Variants in CLCN1 observed in about 807,000 individuals in gnomAD.
CLCN1 encodes chloride channel protein 1.
CLCN1 carries 100 observed loss-of-function variants against 114.5 expected under a neutral mutation model. The observed-to-expected ratio is 0.87, with a 90% CI of 0.74 to 1.03. The LOEUF (loss-of-function observed/expected upper bound fraction) is 1.03, where lower values mean the gene tolerates loss of function less well. Ranked by LOEUF, CLCN1 falls within the 50% of genes least tolerant of loss-of-function variation. The probability of loss-of-function intolerance (pLI) is 0.00; values close to 1 mark genes in which losing one functional copy is unlikely to be tolerated. For synonymous variants in CLCN1, 485 were observed against 487.1 expected, an observed-to-expected ratio of 1.00 and a Z score of 0.06; for missense variants, 1,188 against 1,250.0, an observed-to-expected ratio of 0.95 and a Z score of 0.75.
chr7:143,340,652 C>G (rs1217429839), intron 14 of CLCN1, among the ~76,000 whole-genome samples: 1 of 152,180 alleles, frequency 6.6e-6, no homozygotes, highest in Non-Finnish European at 1.5e-5. Flanking sequence ...CCTGCCTCAG[C>G]CTCCCAAGTA....
intron 6 of CLCN1, 51 bp downstream of exon 6, chr7:143,323,437 G>A (rs757476186): frequency 1.2e-5 from 15 of 1,303,530 alleles, no homozygotes; most frequent in African/African-American, 5.8e-5. Context: ...GAAGGAGTCC[G>A]GCTGTGTGTC....
At chr7:143,351,195 C>G (rs1385636420) in intron 22 of CLCN1, among the ~76,000 whole-genome samples, 1 of 152,088 alleles carries the variant, frequency 6.6e-6, no homozygotes, top group Non-Finnish European at 1.5e-5. Flanking sequence ...TTCTCCACCC[C>G]AGATGGGGCC....
chr7:143,317,437 C>T (rs573002447), intron 1 of CLCN1, among the ~76,000 whole-genome samples: 2 of 152,014 alleles, frequency 1.3e-5, no homozygotes, highest in South Asian at 2.1e-4. Flanking sequence ...TCAGTAGAGA[C>T]GGGGTTTTGC....
intron 12 of CLCN1, among the ~76,000 whole-genome samples, chr7:143,333,133 T>C (rs538220871): frequency 1.3e-5 from 2 of 152,048 alleles, no homozygotes; most frequent in South Asian, 4.1e-4. Context: ...ACCCCATCTC[T>C]ACCAAAAATT....
chr7:143,342,189 G>A (rs1265941266), intron 15 of CLCN1, 47 bp downstream of exon 15: 2 of 1,582,140 alleles, frequency 1.3e-6, no homozygotes, highest in Admixed American at 1.7e-5. Flanking sequence ...GGGGAGAGTG[G>A]GAGGTTCTGA....
Position 143,351,583 on chromosome 7 carries a change from CT to C in CLCN1, c.2596-10del, listed in dbSNP as rs1318520368. ...CTTTTTACCCTCTTTTCCTTTCCCA[CT>C]GCTCTTCAGCTACAGAAGGCCATTG... On this transcript the variant is annotated splice_polypyrimidine_tract_variant and intron_variant, in intron 22 of 22. Coordinates refer to ENST00000343257, the MANE Select transcript of CLCN1 (RefSeq NM_000083.3). The C allele has an allele frequency of 6.2e-7, 1 of 1,613,882 alleles. No homozygotes were observed. Among genetic ancestry groups the C allele is most frequent in the Non-Finnish European group, 8.5e-7 (1 of 1,180,024 alleles).
At chr7:143,335,193 T>G (rs1435149714) in intron 12 of CLCN1, among the ~76,000 whole-genome samples, 1 of 152,186 alleles carries the variant, frequency 6.6e-6, no homozygotes, top group Non-Finnish European at 1.5e-5. Flanking sequence ...GATTCCCAAG[T>G]ATATGTCTGG....
Position 143,350,318 on chromosome 7 carries a change from C to A in CLCN1, c.2404-54C>A. ...GCCGTTTGGGGTCAAAATCAGGTAT[C>A]TGGGGTGAAAGGAGGCTCTGTGATT... On this transcript the variant is annotated intron_variant, in intron 20 of 22. Coordinates refer to ENST00000343257, the MANE Select transcript of CLCN1 (RefSeq NM_000083.3). The surrounding 1 kb of genome is among the most constrained non-coding windows in gnomAD (Gnocchi z 5.1). 7.0e-7 allele frequency: 1 copy of A among 1,437,772 alleles called. No homozygotes were observed. Among genetic ancestry groups the A allele is most frequent in the Non-Finnish European group, 9.7e-7 (1 of 1,027,730 alleles). 89.1% of individuals were successfully genotyped at this position (1,437,772 alleles called of 1,614,324 possible).
At chr7:143,326,124 C>A (rs1182843926) in intron 7 of CLCN1, among the ~76,000 whole-genome samples, 5 of 152,062 alleles carry the variant, frequency 3.3e-5, no homozygotes, top group Non-Finnish European at 5.9e-5. Context: ...TCAAGCAATT[C>A]TCATGCCTCA....
Position 143,342,457 on chromosome 7 carries a change from C to G in CLCN1, c.1882C>G (p.Leu628Val). ...ASYTYGELRT[L>V]LQTTTVKTLP... ...TTACACATATGGGGAGTTGCGAACC[C>G]TGCTCCAGACCACCACAGTCAAGAC... is the stretch of plus-strand genomic sequence containing the variant. The change falls in exon 16 of 23, where the codon CTG becomes GTG. Residue 628 changes from leucine to valine, a missense_variant. Transcript: ENST00000343257. 6.2e-7 allele frequency: 1 copy of G among 1,614,080 alleles called. No individual in the cohort carries two copies. The highest frequency in any genetic ancestry group is 8.5e-7 in the Non-Finnish European group (1 of 1,180,020).
At chr7:143,333,007 C>G (rs1802772155) in intron 12 of CLCN1, 134 bp downstream of exon 12, 2 of 1,071,314 alleles carry the variant, frequency 1.9e-6, no homozygotes, top group African/African-American at 3.1e-5. Flanking sequence ...CATTTGAAAA[C>G]CATAGAGTTG....
chr7:143,322,329 A>G (rs1802463172), intron 5 of CLCN1, among the ~76,000 whole-genome samples: 1 of 152,116 alleles, frequency 6.6e-6, no homozygotes, highest in Non-Finnish European at 1.5e-5. Flanking sequence ...ACTGAGAAAG[A>G]GGCTGTGCTA....
intron 1 of CLCN1, among the ~76,000 whole-genome samples, chr7:143,318,034 CAA>C (rs1802332724): frequency 1.3e-5 from 2 of 152,018 alleles, no homozygotes; most frequent in African/African-American, 4.8e-5. Flanking sequence ...CAAAAGTAAA[CAA>C]GAGTTTGGAT....
At position 143,321,836 on chromosome 7, in the gene CLCN1, C is replaced by T. The variant is rs774268769; in HGVS notation, c.684C>T (p.Pro228=). 5.6e-6 allele frequency: 9 copies of T among 1,614,146 alleles called. No homozygotes were observed. The highest frequency in any genetic ancestry group is 1.7e-4 in the Middle Eastern group (1 of 6,056). ...ALTAGLGSGI[P]VGKEGPFVHI... ...CTGCGGGCCTGGGCAGTGGCATCCC[C>T]GTGGGGAAAGAGGTAGGCCTGGCAT... The change falls in exon 5 of 23, where the codon CCC becomes CCT. Residue 228 remains proline, a synonymous_variant. Coordinates refer to ENST00000343257, the MANE Select transcript of CLCN1 (RefSeq NM_000083.3). This position sits in a 1 kb window ranked among gnomAD's most constrained non-coding sequence, Gnocchi z 4.2.
chr7:143,350,526 T>C lies in CLCN1; in HGVS notation c.2509-42T>C, dbSNP rs1340140007. ...GGCTGTGGGGAAGGCAGGAGAGCTG[T>C]GGGGCAAGGAACATGCACTGACCTG... On this transcript the variant is annotated intron_variant, in intron 21 of 22. Transcript: ENST00000343257. The surrounding 1 kb of genome is among the most constrained non-coding windows in gnomAD (Gnocchi z 5.1). 1 of 1,610,384 alleles carries C rather than the reference T, an allele frequency of 6.2e-7. No individual in the cohort carries two copies. The highest frequency in any genetic ancestry group is 8.5e-7 in the Non-Finnish European group (1 of 1,176,682).
chr7:143,328,302 A>T (rs1802628411), intron 7 of CLCN1, among the ~76,000 whole-genome samples: 1 of 152,150 alleles, frequency 6.6e-6, no homozygotes, highest in Non-Finnish European at 1.5e-5. Flanking sequence ...GCAGGAGACC[A>T]AGGACAAAGG....
rs1330347785 is a variant in CLCN1 at position 143,351,966 on chromosome 7, C to T, written c.*1C>T. 2.5e-6 allele frequency: 4 copies of T among 1,612,446 alleles called. No homozygotes were observed. The East Asian group carries it at 6.7e-5, about 27-fold the overall frequency. ...GGATGAGGATGAACTGATCCTTTGA[C>T]CCCCTCCCACGACCTCCTCATAAAG... On this transcript the variant is annotated 3_prime_UTR_variant, in exon 23 of 23. Transcript: ENST00000343257.
chr7:143,327,405 CG>C (rs1413585103), intron 7 of CLCN1, among the ~76,000 whole-genome samples: 1 of 151,926 alleles, frequency 6.6e-6, no homozygotes, highest in Non-Finnish European at 1.5e-5. Context: ...GAAATACTGT[CG>C]GGGTGAATTA....
intron 1 of CLCN1, among the ~76,000 whole-genome samples, chr7:143,319,225 A>G (rs577140027): frequency 3.3e-5 from 5 of 152,242 alleles, no homozygotes; most frequent in Non-Finnish European, 7.4e-5. Context: ...GATGAAGTGG[A>G]TGGTCTTGAA....
Sources: allele counts gnomAD v4.1 joint callset (sites outside exome capture counted in the v4.1 genomes callset), GRCh38; gene constraint gnomAD v4.1.1; non-coding constraint Gnocchi (gnomAD v3.1); transcripts MANE v1.5; gene names NCBI Gene and HGNC (gene_info 2026-07-23, HGNC 2026-07-21).